The following PHEX variants were observed in gnomAD, a reference collection of about 807,000 sequenced individuals.
The protein encoded by PHEX is phosphate regulating endopeptidase X-linked, also known as phosphate-regulating neutral endopeptidase PHEX.
In PHEX, 16 loss-of-function variants were observed where a neutral mutation model predicts 68.0. The ratio of observed to expected loss-of-function variants is 0.24; its 90% CI spans 0.16 to 0.36. The LOEUF is 0.36. PHEX is among the 10% of genes least tolerant of loss of function. The pLI is 1.00. For missense variants in PHEX, 480 were observed against 575.5 expected (o/e 0.83, Z 1.70); for synonymous variants, 208 against 205.1 (o/e 1.01, Z -0.12).
At chrX:22,195,347 A>C (rs1279512479) in intron 15 of PHEX, among the ~76,000 whole-genome samples, 1 of 111,788 alleles carries the variant, frequency 8.9e-6, no homozygotes, top group Non-Finnish European at 1.9e-5. Flanking sequence ...TAATCCCAGC[A>C]CTTTGGGAGG....
At chrX:22,084,169 TA>T (rs1206643473) in intron 5 of PHEX, among the ~76,000 whole-genome samples, 1 of 112,007 alleles carries the variant, frequency 8.9e-6, no homozygotes, top group Non-Finnish European at 1.9e-5. Flanking sequence ...CCATTTAATT[TA>T]TTTTTTTTGA....
At chrX:22,235,933 C>T (rs912155050) in intron 20 of PHEX, among the ~76,000 whole-genome samples, 3 of 111,017 alleles carry the variant, frequency 2.7e-5, no homozygotes, top group African/African-American at 9.8e-5. Flanking sequence ...ATGCCTACCA[C>T]ATTGAAGCCA....
At chrX:22,099,916 T>TA (rs1243813499) in intron 9 of PHEX, among the ~76,000 whole-genome samples, 1 of 112,165 alleles carries the variant, frequency 8.9e-6, no homozygotes, top group Non-Finnish European at 1.9e-5. Context: ...TTACGTTTTT[T>TA]AAAAAAGGCA....
chrX:22,228,152 G>T (rs1935573796), intron 20 of PHEX, among the ~76,000 whole-genome samples: 1 of 112,138 alleles, frequency 8.9e-6, no homozygotes, highest in Non-Finnish European at 1.9e-5. Flanking sequence ...AGCAGAAATT[G>T]AAAGGAAGAT....
intron 18 of PHEX, among the ~76,000 whole-genome samples, chrX:22,226,146 C>T (rs747088044): frequency 3.0e-4 from 33 of 111,590 alleles, no homozygotes; most frequent in Non-Finnish European, 4.7e-4. Context: ...AAACCAGAGT[C>T]ACTCAGAATA....
intron 14 of PHEX, among the ~76,000 whole-genome samples, chrX:22,187,540 T>G (rs748037725): frequency 2.7e-5 from 3 of 111,826 alleles, no homozygotes; most frequent in Non-Finnish European, 3.8e-5. Flanking sequence ...GGATAATCTC[T>G]CTATTTTAAG....
In PHEX at chrX:22,234,818, C is replaced by CAAAA. The variant is rs371302739; in HGVS notation, c.2070+7218_2070+7221dup. 7.2e-4 allele frequency among the ~76,000 whole-genome samples: 63 copies of CAAAA among 87,472 alleles called. 1 individual carries two copies. The highest frequency in any genetic ancestry group is 9.6e-4 in the African/African-American group (23 of 24,069). The allele number at this position is 87,472 out of a possible 115,157, so 76.0% of individuals were successfully genotyped here. Reference sequence around the variant, plus strand: ...GGCGTTCCCAGCACCAGTGGGGTATCAAAAAAAAAAAAAACCACACACACA... The same window carrying CAAAA: ...GGCGTTCCCAGCACCAGTGGGGTATCAAAAAAAAAAAAAAAAAACCACACACACA... On this transcript the variant is annotated intron_variant, in intron 20 of 21. Coordinates refer to ENST00000379374, the MANE Select transcript of PHEX (RefSeq NM_000444.6).
rs770627495 is a variant in PHEX, at chrX:22,180,725, C to CT, written c.1586+2350dup. ...TGCTATCAAATAGATCTTATTCATT[C>CT]TATCTAAGTATATTTTTGTACCCAT... On this transcript the variant is annotated intron_variant, in intron 14 of 21. Transcript: ENST00000379374. Among the ~76,000 whole-genome samples the CT allele has an allele frequency of 1.5e-4, 17 of 111,788 alleles. No individual in the cohort carries two copies. The East Asian group carries it at 2.8e-3, about 18-fold the overall frequency.
rs1328605929 is a variant in PHEX, at chrX:22,248,457, C to T, written c.*504C>T. 8.3e-6 allele frequency: 1 copy of T among 120,697 alleles called. No homozygotes were observed. Among genetic ancestry groups the T allele is most frequent in the Non-Finnish European group, 1.7e-5 (1 of 57,986 alleles). 9.9% of individuals were successfully genotyped at this position (120,697 alleles called of 1,213,427 possible). A position where few individuals can be genotyped will look rare whatever the true frequency, so the allele number is the denominator to read the frequency against. Reference sequence around the variant, plus strand: ...ACAGTAATTACACAGCATTCCTCAACTGTAAGGTAGTTAAATTAGAAATAT... The same window carrying T: ...ACAGTAATTACACAGCATTCCTCAATTGTAAGGTAGTTAAATTAGAAATAT... On this transcript the variant is annotated 3_prime_UTR_variant, in exon 22 of 22. Coordinates refer to ENST00000379374, the MANE Select transcript of PHEX (RefSeq NM_000444.6).
chrX:22,113,706 G>A (rs1931094346), intron 10 of PHEX, among the ~76,000 whole-genome samples: 1 of 110,501 alleles, frequency 9.0e-6, no homozygotes, highest in African/African-American at 3.3e-5. Context: ...CTCGGAGCAA[G>A]GAAACCCTCA....
chrX:22,127,300 C>G (rs1894441386), intron 11 of PHEX, among the ~76,000 whole-genome samples: 1 of 111,952 alleles, frequency 8.9e-6, no homozygotes, highest in Non-Finnish European at 1.9e-5. Context: ...TTGACTGGCT[C>G]TAAATAAATA....
intron 14 of PHEX, among the ~76,000 whole-genome samples, chrX:22,179,540 T>TCACAGC (rs1556072536): frequency 6.6e-4 from 72 of 109,157 alleles, no homozygotes; most frequent in African/African-American, 2.4e-3. Context: ...CTTTGTGTCC[T>TCACAGC]CATAGCTTAG....
intron 13 of PHEX, among the ~76,000 whole-genome samples, chrX:22,173,253 G>A (rs1933596929): frequency 8.9e-6 from 1 of 112,076 alleles, no homozygotes; most frequent in South Asian, 3.8e-4. Context: ...GGGACACCCT[G>A]GTGCCCCCCA....
At chrX:22,225,041 A>C (rs1439731860) in intron 18 of PHEX, among the ~76,000 whole-genome samples, 1 of 110,114 alleles carries the variant, frequency 9.1e-6, no homozygotes, top group African/African-American at 3.3e-5. Flanking sequence ...AAGTGTCAGC[A>C]GGGCCACATT....
chrX:22,184,933 CAA>C (rs1933983218), intron 14 of PHEX, among the ~76,000 whole-genome samples: 1 of 112,291 alleles, frequency 8.9e-6, no homozygotes, highest in South Asian at 3.7e-4. Context: ...AATAAGAAAG[CAA>C]TAAATACACT....
At chrX:22,220,284 C>G (rs777569039) in intron 17 of PHEX, among the ~76,000 whole-genome samples, 1 of 111,659 alleles carries the variant, frequency 9.0e-6, no homozygotes, top group South Asian at 3.9e-4. Flanking sequence ...ATGCCTACCC[C>G]AGGGCCAGAG....
chrX:22,182,264 G>A (rs111261525), intron 14 of PHEX, among the ~76,000 whole-genome samples: 63 of 111,177 alleles, frequency 5.7e-4, no homozygotes, highest in African/African-American at 1.9e-3. Context: ...CCGGTTTTTC[G>A]AGAGTTTTTA....
At chrX:22,247,178 C>T (rs953396998) in intron 21 of PHEX, among the ~76,000 whole-genome samples, 1 of 112,217 alleles carries the variant, frequency 8.9e-6, no homozygotes, top group Non-Finnish European at 1.9e-5. Flanking sequence ...TAATCAAATT[C>T]TGGGCAACTG....
intron 12 of PHEX, among the ~76,000 whole-genome samples, chrX:22,137,351 G>T (rs1004699686): frequency 1.8e-5 from 2 of 112,053 alleles, no homozygotes; most frequent in African/African-American, 6.5e-5. Context: ...GGACTCACAG[G>T]GAGGTGGCAT....
Sources: allele counts gnomAD v4.1 joint callset (sites outside exome capture counted in the v4.1 genomes callset), GRCh38; gene constraint gnomAD v4.1.1; transcripts MANE v1.5; gene names NCBI Gene and HGNC (gene_info 2026-07-23, HGNC 2026-07-21).